Variants in AKAP17A observed in about 807,000 individuals in gnomAD.
AKAP17A encodes the protein A-kinase anchor protein 17A.
A neutral mutation model predicts 52.2 loss-of-function variants in AKAP17A; 15 were observed. That is an observed-to-expected ratio of 0.29 (90% CI 0.19 to 0.44). The LOEUF (loss-of-function observed/expected upper bound fraction) is 0.44. Ranked by LOEUF, AKAP17A falls within the 20% of genes least tolerant of loss-of-function variation. AKAP17A has a pLI of 1.00. For synonymous variants in AKAP17A, 514 were observed against 424.7 expected, an observed-to-expected ratio of 1.21 and a Z score of -2.58; for missense variants, 1,060 against 1,007.0, an observed-to-expected ratio of 1.05 and a Z score of -0.71.
intron 2 of AKAP17A, among the ~76,000 whole-genome samples, chrX:1,594,738 C>T (rs1408305144): frequency 6.6e-6 from 1 of 152,074 alleles, no homozygotes; most frequent in East Asian, 1.9e-4. Context: ...TCTGCCTCAG[C>T]CTCCCGAGTA....
chrX:1,597,651 C>T (rs191693518), intron 3 of AKAP17A, among the ~76,000 whole-genome samples: 7 of 152,060 alleles, frequency 4.6e-5, no homozygotes, highest in African/African-American at 1.7e-4. Flanking sequence ...GAGCCTCGGA[C>T]CTCTCGGTGT....
At chrX:1,593,196 AGGCTTT>A (rs1288469525) in intron 1 of AKAP17A, among the ~76,000 whole-genome samples, 7 of 152,090 alleles carry the variant, frequency 4.6e-5, no homozygotes, top group African/African-American at 1.7e-4. Context: ...GTGCTGACCG[AGGCTTT>A]GACACTAACC....
In AKAP17A at chrX:1,599,233, G is replaced by C. The variant is rs748366855; in HGVS notation, c.953G>C (p.Arg318Thr). 16 of 1,612,510 alleles carry C rather than the reference G, an allele frequency of 9.9e-6. No individual in the cohort carries two copies. The highest frequency in any genetic ancestry group is 1.2e-5 in the Non-Finnish European group (14 of 1,179,870). ...ELEELERERK[R>T]EEKLRKREQK... is the part of the protein sequence containing the mutation. The stretch of plus-strand genomic sequence containing the variant: ...GAAGAGCTGGAGCGAGAGAGGAAAA[G>C]AGAAGAGAAGCTTCGCAAGAGGGAG... The change falls in exon 4 of 5, where the codon AGA becomes ACA. Residue 318 changes from arginine (R) to threonine (T), a missense_variant. By Grantham distance (71) the Arg-to-Thr change is moderately conservative. Transcript: ENST00000313871.
chrX:1,598,861 C>CT (rs1287716558), intron 3 of AKAP17A, among the ~76,000 whole-genome samples: 38 of 152,336 alleles, frequency 2.5e-4, no homozygotes, highest in African/African-American at 9.1e-4. Context: ...TGGGGTTCCT[C>CT]TTTCACCCGT....
intron 2 of AKAP17A, 132 bp from the exon 3 acceptor site, chrX:1,595,245 CATGAGTG>C (rs372698730): frequency 0.23 from 56,068 of 244,704 alleles, 15,939 homozygotes; most frequent in African/African-American, 0.63. Flanking sequence ...CTGCACCGGA[CATGAGTG>C]GTGAGCGGTG....
At position 1,601,193 on chromosome X, in the gene AKAP17A, T is replaced by A; in HGVS notation, c.1687T>A (p.Cys563Ser). 1 of 1,613,876 alleles carries A rather than the reference T, an allele frequency of 6.2e-7. No individual in the cohort carries two copies. Among genetic ancestry groups the A allele is most frequent in the Non-Finnish European group, 8.5e-7 (1 of 1,179,800 alleles). The change falls in exon 5 of 5, where the codon TGC becomes AGC. Residue 563 changes from cysteine (C) to serine (S), a missense_variant. Cys to Ser is a moderately radical substitution (Grantham distance 112). This residue lies in a region of AKAP17A where 793 missense variants were observed against 629.9 expected (regional missense o/e 1.26). Coordinates refer to ENST00000313871, the MANE Select transcript of AKAP17A (RefSeq NM_005088.3). ...CCAACAGCCCAAGGGCATCCCTGCCTGCGAGCAGAATGTCTCCAGAAAGGA... is the reference window on the plus strand; with the variant it reads ...CCAACAGCCCAAGGGCATCCCTGCCAGCGAGCAGAATGTCTCCAGAAAGGA... ...NNQQPKGIPA[C>S]EQNVSRKDTR...
At position 1,601,856 on chromosome X, in the gene AKAP17A, G is replaced by A; in HGVS notation, c.*262G>A. ...TGATCCGATAGCTTTAATGCGGCCGGTCCTCTCTCAGTCAGGAAAATTGCA... is the reference window on the plus strand; with the variant it reads ...TGATCCGATAGCTTTAATGCGGCCGATCCTCTCTCAGTCAGGAAAATTGCA... On this transcript the variant is annotated 3_prime_UTR_variant, in exon 5 of 5. Coordinates refer to ENST00000313871, the MANE Select transcript of AKAP17A (RefSeq NM_005088.3). 1 of 392,010 alleles carries A rather than the reference G, an allele frequency of 2.6e-6. No homozygotes were observed. The highest frequency in any genetic ancestry group is 4.3e-5 in the Admixed American group (1 of 23,014). The allele number at this position is 392,010 out of a possible 1,614,324, so 24.3% of individuals were successfully genotyped here. A position where few individuals can be genotyped will look rare whatever the true frequency, so the allele number is the denominator to read the frequency against.
intron 4 of AKAP17A, 35 bp downstream of exon 4, chrX:1,599,467 G>C (rs58902273): frequency 1.9e-6 from 3 of 1,551,820 alleles, no homozygotes; most frequent in Non-Finnish European, 2.6e-6. Flanking sequence ...CGCCAGCCGC[G>C]CCCGGGCTGC....
chrX:1,597,062 A>G (rs1423493550), intron 3 of AKAP17A, among the ~76,000 whole-genome samples: 3 of 152,110 alleles, frequency 2.0e-5, no homozygotes, highest in African/African-American at 7.2e-5. Flanking sequence ...GGGCTCCTGG[A>G]CAGCCTCTGG....
intron 1 of AKAP17A, 66 bp from the exon 2 acceptor site, chrX:1,593,377 TG>T: frequency 1.3e-6 from 2 of 1,500,354 alleles, no homozygotes; most frequent in South Asian, 1.2e-5. Context: ...CCTGCTGGCT[TG>T]GCCCCTCCTC....
Position 1,595,476 on chromosome X carries a change from A to T in AKAP17A, c.855A>T (p.Arg285Ser). Residue 285 changes from arginine (R) to serine (S), a missense_variant, in exon 3 of 5, where the codon AGA becomes AGT. Around this residue, in one of 2 missense-constraint regions of AKAP17A, gnomAD observed 793 missense variants for 629.9 expected, o/e 1.26. Transcript: ENST00000313871. ...AGCTTCAGGAACTGGAGCAGCAAAG[A>T]GAAGAACAAAAGCGCAGAGAGAAGG... ...RQKLQELEQQ[R>S]EEQKRREKEA... The T allele has an allele frequency of 6.2e-7, 1 of 1,614,024 alleles. No homozygotes were observed. Among genetic ancestry groups the T allele is most frequent in the Non-Finnish European group, 8.5e-7 (1 of 1,179,870 alleles).
Position 1,601,493 on chromosome X carries a change from C to T in AKAP17A, c.1987C>T (p.Arg663Trp), listed in dbSNP as rs778466247. 3.4e-5 allele frequency: 52 copies of T among 1,547,958 alleles called. 1 individual carries two copies. The highest frequency in any genetic ancestry group is 3.2e-4 in the East Asian group (14 of 43,700). The change falls in exon 5 of 5, where the codon CGG becomes TGG. Residue 663 changes from arginine (R) to tryptophan (W), a missense_variant. Arg to Trp is a moderately radical substitution (Grantham distance 101). Coordinates refer to ENST00000313871, the MANE Select transcript of AKAP17A (RefSeq NM_005088.3). ...DRHRRERSRE[R>W]RGSASRKHSR... ...GCACCGGAGGGAGCGGAGCCGGGAG[C>T]GGAGGGGCAGCGCCAGCAGGAAGCA...
At position 1,602,447 on chromosome X, in the gene AKAP17A, G is replaced by A. The variant is rs777040418; in HGVS notation, c.*853G>A. The A allele has an allele frequency of 2.6e-5, 4 of 152,204 alleles. No homozygotes were observed. The highest frequency in any genetic ancestry group is 9.6e-5 in the African/African-American group (4 of 41,520). 9.4% of individuals were successfully genotyped at this position (152,204 alleles called of 1,614,324 possible). ...ATACCTAAAAATAGCTGTAACGTTCGCGTTAGGAAAGATGGTGTTTATTCC... is the reference window on the plus strand; with the variant it reads ...ATACCTAAAAATAGCTGTAACGTTCACGTTAGGAAAGATGGTGTTTATTCC... On this transcript the variant is annotated 3_prime_UTR_variant, in exon 5 of 5. Transcript: ENST00000313871.
rs140646112 is a variant in AKAP17A at position 1,599,225 on chromosome X, G to A, written c.945G>A (p.Glu315=). 79 of 1,612,524 alleles carry A rather than the reference G, an allele frequency of 4.9e-5. No individual in the cohort carries two copies. The African/African-American group carries it at 9.5e-4, about 19-fold the overall frequency. ...KQKELEELER[E]RKREEKLRKR... Reference sequence around the variant, plus strand: ...AGGAGCTGGAAGAGCTGGAGCGAGAGAGGAAAAGAGAAGAGAAGCTTCGCA... The same window carrying A: ...AGGAGCTGGAAGAGCTGGAGCGAGAAAGGAAAAGAGAAGAGAAGCTTCGCA... Residue 315 remains glutamate, a synonymous_variant, in exon 4 of 5, where the codon GAG becomes GAA. Coordinates refer to ENST00000313871, the MANE Select transcript of AKAP17A (RefSeq NM_005088.3).
chrX:1,597,453 C>A (rs1449171780), intron 3 of AKAP17A, among the ~76,000 whole-genome samples: 16 of 152,240 alleles, frequency 1.1e-4, no homozygotes, highest in Middle Eastern at 3.4e-3. Context: ...GGGAGGCGGT[C>A]CCTGGGAGGG....
intron 3 of AKAP17A, among the ~76,000 whole-genome samples, 186 bp downstream of exon 3, chrX:1,595,718 TCC>T (rs1159851076): frequency 2.0e-5 from 3 of 151,688 alleles, no homozygotes; most frequent in Middle Eastern, 3.4e-3. Context: ...ACTTTGTATG[TCC>T]CTATGTGCGC....
Position 1,601,516 on chromosome X carries a change from G to A in AKAP17A, c.2010G>A (p.Lys670=). The part of the protein sequence containing the change: ...SRERRGSASR[K]HSRHRRRSER... ...AGCGGAGGGGCAGCGCCAGCAGGAA[G>A]CACAGCCGCCACCGCCGCCGAAGCG... Residue 670 remains lysine, a synonymous_variant, in exon 5 of 5, where the codon AAG becomes AAA. Transcript: ENST00000313871. The A allele has an allele frequency of 6.6e-7, 1 of 1,507,500 alleles. No homozygotes were observed. The highest frequency in any genetic ancestry group is 8.8e-7 in the Non-Finnish European group (1 of 1,138,526). 93.4% of individuals were successfully genotyped at this position (1,507,500 alleles called of 1,614,324 possible).
intron 3 of AKAP17A, among the ~76,000 whole-genome samples, chrX:1,596,047 C>G (rs1401010389): frequency 6.6e-6 from 1 of 152,006 alleles, no homozygotes; most frequent in Non-Finnish European, 1.5e-5. Context: ...CGTGGTCTGA[C>G]ACGATCTCTG....
At position 1,601,658 on chromosome X, in the gene AKAP17A, C is replaced by A. The variant is rs751603518; in HGVS notation, c.*64C>A. ...CCAGGACCTGCTCGAGCCTCCTGGC[C>A]GCTCCTTGGCCGCTCTCCGTCCACC... is the stretch of plus-strand genomic sequence containing the variant. On this transcript the variant is annotated 3_prime_UTR_variant, in exon 5 of 5. Transcript: ENST00000313871. 7.5e-7 allele frequency: 1 copy of A among 1,341,570 alleles called. No individual in the cohort carries two copies. The highest frequency in any genetic ancestry group is 3.5e-5 in the Admixed American group (1 of 28,736). 83.1% of individuals were successfully genotyped at this position (1,341,570 alleles called of 1,614,324 possible).
Sources: allele counts gnomAD v4.1 joint callset (sites outside exome capture counted in the v4.1 genomes callset), GRCh38; gene constraint gnomAD v4.1.1; regional missense constraint gnomAD v4.1.1; transcripts MANE v1.5; gene names NCBI Gene and HGNC (gene_info 2026-07-23, HGNC 2026-07-21).